RHOT1: variants seen among roughly 807,000 people sequenced by gnomAD.
RHOT1 encodes the protein mitochondrial Rho GTPase 1.
In RHOT1, 27 loss-of-function variants were observed where a neutral mutation model predicts 95.3. That is an observed-to-expected ratio of 0.28 (90% confidence interval 0.21 to 0.39). RHOT1 has a LOEUF of 0.39. RHOT1 is among the 10% of genes least tolerant of loss of function. RHOT1 has a pLI of 1.00. For missense variants in RHOT1, 578 were observed against 786.7 expected (o/e 0.73, Z 3.17); for synonymous variants, 227 against 263.5 (o/e 0.86, Z 1.34).
intron 11 of RHOT1, 58 bp downstream of exon 11, chr17:32,194,165 T>G (rs1469509547): frequency 1.0e-5 from 16 of 1,560,238 alleles, no homozygotes; most frequent in Non-Finnish European, 1.1e-5. Context: ...TGAGACAGGA[T>G]CTCACTATGT....
At chr17:32,166,386 T>C (rs1301260449) in intron 1 of RHOT1, among the ~76,000 whole-genome samples, 3 of 152,124 alleles carry the variant, frequency 2.0e-5, no homozygotes, top group Non-Finnish European at 4.4e-5. Context: ...GCTGACTGAT[T>C]AGGGTGGTGA....
rs566040717 is a variant in RHOT1, at chr17:32,201,020, T to A, written c.1165T>A (p.Leu389Met). 4 of 1,611,734 alleles carry A rather than the reference T, an allele frequency of 2.5e-6. No homozygotes were observed. The South Asian group carries it at 4.4e-5, about 18-fold the overall frequency. The change falls in exon 14 of 20, where the codon TTG (leucine) becomes ATG (methionine). Residue 389 changes from leucine (L) to methionine (M), a missense_variant. Leu to Met is a conservative substitution (Grantham distance 15). Transcript: ENST00000545287. ...EYLGYLGYSI[L>M]TEQESQASAV... The stretch of plus-strand genomic sequence containing the variant: ...TTTGGGCTATCTAGGCTATTCAATA[T>A]TGACTGAGCAAGAGTCTCAAGCTTC...
intron 1 of RHOT1, among the ~76,000 whole-genome samples, chr17:32,157,232 T>C (rs2033055593): frequency 6.6e-6 from 1 of 152,244 alleles, no homozygotes; most frequent in Non-Finnish European, 1.5e-5. Flanking sequence ...TCCGCATTCC[T>C]GAGTTTCAAA....
At chr17:32,161,124 G>GGA (rs1321642540) in intron 1 of RHOT1, among the ~76,000 whole-genome samples, 4 of 152,212 alleles carry the variant, frequency 2.6e-5, no homozygotes, top group South Asian at 2.1e-4. Flanking sequence ...TGGCCATGCA[G>GGA]GAGAACTAAA....
At chr17:32,164,282 G>A (rs2033847291) in intron 1 of RHOT1, among the ~76,000 whole-genome samples, 1 of 151,848 alleles carries the variant, frequency 6.6e-6, no homozygotes, top group Non-Finnish European at 1.5e-5. Context: ...TCGCCAGGCT[G>A]GAGTGCAGTG....
intron 1 of RHOT1, among the ~76,000 whole-genome samples, chr17:32,156,260 GTGAA>G (rs1337408283): frequency 6.6e-6 from 1 of 152,182 alleles, no homozygotes; most frequent in Non-Finnish European, 1.5e-5. Context: ...GTAGTGGTGT[GTGAA>G]TGTGTGTTTT....
At chr17:32,147,655 A>G (rs549657187) in intron 1 of RHOT1, among the ~76,000 whole-genome samples, 1 of 151,934 alleles carries the variant, frequency 6.6e-6, no homozygotes, top group Admixed American at 6.5e-5. Flanking sequence ...CCCTGTCCCT[A>G]CTAAACATAC....
chr17:32,163,745 GA>G lies in RHOT1; in HGVS notation c.38-7288del, dbSNP rs572534526. On this transcript the variant is annotated intron_variant, in intron 1 of 19. Transcript: ENST00000545287. ...ACTCCATCTCAAAAAAAAAGAAAGG[GA>G]AAAAAAAAACAAAGAATGTTAACTA... Among the ~76,000 whole-genome samples, 796 of 145,522 alleles carry G rather than the reference GA, an allele frequency of 5.5e-3. 5 individuals carry two copies. Among genetic ancestry groups the G allele is most frequent in the South Asian group, 0.018 (81 of 4,584 alleles).
intron 16 of RHOT1, 36 bp downstream of exon 16, chr17:32,204,009 A>G: frequency 1.4e-6 from 2 of 1,387,760 alleles, no homozygotes; most frequent in South Asian, 1.2e-5. Context: ...ATTACTAATT[A>G]TTGGGTACAT....
intron 1 of RHOT1, among the ~76,000 whole-genome samples, chr17:32,155,767 C>T (rs2032905645): frequency 6.6e-6 from 1 of 152,024 alleles, no homozygotes; most frequent in East Asian, 1.9e-4. Flanking sequence ...ATCTTGAACT[C>T]TTGGGCTCAA....
At chr17:32,182,083 A>G (rs2035681092) in intron 6 of RHOT1, among the ~76,000 whole-genome samples, 1 of 152,098 alleles carries the variant, frequency 6.6e-6, no homozygotes, top group Non-Finnish European at 1.5e-5. Flanking sequence ...CTTAATTACT[A>G]TACATAACTA....
rs979972578 is a variant in RHOT1, at chr17:32,182,808, T to A, written c.381T>A (p.Ser127Arg). ...GNKSDLVEYS[S>R]METILPIMNQ... ...AATCTGATCTGGTGGAATATAGTAG[T>A]ATGGAGACCATCCTTCCTATTATGA... The change falls in exon 7 of 20, where the codon AGT (serine) becomes AGA (arginine). Residue 127 changes from serine to arginine, a missense_variant. By Grantham distance (110) the Ser-to-Arg change is moderately radical (BLOSUM62 -1). This residue lies in a region of RHOT1 where 227 missense variants were observed against 316.0 expected (regional missense o/e 0.72). Transcript: ENST00000545287. The A allele has an allele frequency of 5.0e-6, 8 of 1,609,050 alleles. No individual in the cohort carries two copies. The highest frequency in any genetic ancestry group is 1.3e-5 in the African/African-American group (1 of 74,804).
At position 32,142,525 on chromosome 17, in the gene RHOT1, C is replaced by A; in HGVS notation, c.-168C>A. On this transcript the variant is annotated 5_prime_UTR_variant, in exon 1 of 20. Transcript: ENST00000545287. ...CCACAGCCCGCTGGGCCGGAGGAGGCGGAGCTGGCGCTGTCCCGGCTCTCT... is the reference window on the plus strand; with the variant it reads ...CCACAGCCCGCTGGGCCGGAGGAGGAGGAGCTGGCGCTGTCCCGGCTCTCT... The A allele has an allele frequency of 2.0e-6, 1 of 488,088 alleles. No individual in the cohort carries two copies. Among genetic ancestry groups the A allele is most frequent in the South Asian group, 5.6e-5 (1 of 17,944 alleles). 30.2% of individuals were successfully genotyped at this position (488,088 alleles called of 1,614,324 possible). A position where few individuals can be genotyped will look rare whatever the true frequency, so the allele number is the denominator to read the frequency against.
chr17:32,180,391 C>T (rs1206198636), intron 6 of RHOT1, among the ~76,000 whole-genome samples: 2 of 152,026 alleles, frequency 1.3e-5, no homozygotes, highest in Non-Finnish European at 1.5e-5. Context: ...TGTGCTGTGT[C>T]AACTCAGGGT....
At chr17:32,212,139 G>A (rs560766052) in intron 19 of RHOT1, among the ~76,000 whole-genome samples, 1 of 152,288 alleles carries the variant, frequency 6.6e-6, no homozygotes, top group South Asian at 2.1e-4. Flanking sequence ...ATTCAATTTT[G>A]GTTAGAAATG....
chr17:32,189,086 T>TC (rs2036268714), intron 8 of RHOT1, among the ~76,000 whole-genome samples: 1 of 152,054 alleles, frequency 6.6e-6, no homozygotes, highest in Admixed American at 6.6e-5. Flanking sequence ...GATCATGAGG[T>TC]AGGATATCGA....
At chr17:32,183,972 C>G (rs1193621808) in intron 8 of RHOT1, among the ~76,000 whole-genome samples, 1 of 152,244 alleles carries the variant, frequency 6.6e-6, no homozygotes, top group Non-Finnish European at 1.5e-5. Flanking sequence ...AGGCGTGAGC[C>G]ACTGCGCCCA....
Position 32,209,609 on chromosome 17 carries a change from A to G in RHOT1, c.1739+1300A>G, listed in dbSNP as rs1344139761. 1.2e-5 allele frequency: 6 copies of G among 506,408 alleles called. No homozygotes were observed. The Admixed American group carries it at 1.4e-4, about 11-fold the overall frequency. The allele number at this position is 506,408 out of a possible 1,614,324, so 31.4% of individuals were successfully genotyped here. A position where few individuals can be genotyped will look rare whatever the true frequency, so the allele number is the denominator to read the frequency against. ...TATATATTACGTTGTCTTCCTTACTACATAAATGTACTTCTTTAATCTTGT... is the reference window on the plus strand; with the variant it reads ...TATATATTACGTTGTCTTCCTTACTGCATAAATGTACTTCTTTAATCTTGT... On this transcript the variant is annotated intron_variant, in intron 18 of 19. Transcript: ENST00000545287.
At chr17:32,154,131 T>C (rs1461197622) in intron 1 of RHOT1, among the ~76,000 whole-genome samples, 2 of 150,642 alleles carry the variant, frequency 1.3e-5, no homozygotes, top group African/African-American at 4.9e-5. Flanking sequence ...AGTGAGACTT[T>C]GTCTCTAAAA....
Sources: allele counts gnomAD v4.1 joint callset (sites outside exome capture counted in the v4.1 genomes callset), GRCh38; gene constraint gnomAD v4.1.1; regional missense constraint gnomAD v4.1.1; transcripts MANE v1.5; gene names NCBI Gene and HGNC (gene_info 2026-07-23, HGNC 2026-07-21).